Variants in MACROH2A1 observed in about 807,000 individuals in gnomAD.
MACROH2A1 encodes core histone macro-H2A.1.
MACROH2A1 carries 2 observed loss-of-function variants against 31.6 expected under a neutral mutation model. The observed-to-expected ratio is 0.06, with a 90% CI of 0.03 to 0.20. MACROH2A1 has a LOEUF of 0.20. Among genes scored for constraint, MACROH2A1 ranks in the 10% least tolerant of loss-of-function variants. The pLI, the probability that MACROH2A1 is intolerant of heterozygous loss-of-function variation, is 1.00. For synonymous variants in MACROH2A1, 169 were observed against 189.6 expected, an observed-to-expected ratio of 0.89 and a Z score of 0.89; for missense variants, 230 against 474.0, an observed-to-expected ratio of 0.49 and a Z score of 4.78.
chr5:135,383,322 G>T (rs367547966), intron 2 of MACROH2A1, among the ~76,000 whole-genome samples: 1 of 152,208 alleles, frequency 6.6e-6, no homozygotes, highest in Admixed American at 6.5e-5. Context: ...GTCAATGAAG[G>T]TCATCAATAG....
upstream of MACROH2A1, chr5:135,399,433 C>T (rs753968720): frequency 6.6e-6 from 1 of 152,374 alleles, no homozygotes; most frequent in Non-Finnish European, 1.5e-5. The surrounding 1 kb of genome is among the most constrained non-coding windows in gnomAD (Gnocchi z 4.5). Flanking sequence ...ACCCATGACC[C>T]CGGGGACGCC....
chr5:135,394,919 C>A (rs1581387005), intron 1 of MACROH2A1, among the ~76,000 whole-genome samples: 1 of 152,178 alleles, frequency 6.6e-6, no homozygotes, highest in African/African-American at 2.4e-5. Context: ...TTTCCAAAGC[C>A]CACAGGACTG....
At chr5:135,365,359 G>T (rs998423434) in intron 4 of MACROH2A1, among the ~76,000 whole-genome samples, 19 of 152,100 alleles carry the variant, frequency 1.2e-4, no homozygotes, top group African/African-American at 4.6e-4. Flanking sequence ...TCTGCCCCCA[G>T]TCACTTCAAT....
intron 4 of MACROH2A1, chr5:135,361,119 G>A (rs1251781944): frequency 1.2e-5 from 3 of 248,678 alleles, no homozygotes; most frequent in Non-Finnish European, 2.4e-5. Flanking sequence ...CGCATGTGGT[G>A]GCTGTGATGA....
chr5:135,345,759 GTAA>G (rs1191043586), intron 7 of MACROH2A1: 2 of 537,708 alleles, frequency 3.7e-6, no homozygotes, highest in African/African-American at 3.8e-5. Context: ...GCTATTTTAA[GTAA>G]TAAAAAAAAA....
At chr5:135,370,198 C>A in intron 2 of MACROH2A1, 56 bp from the exon 3 acceptor site, 1 of 1,076,430 alleles carries the variant, frequency 9.3e-7, no homozygotes. Flanking sequence ...TGTCCCCGCC[C>A]CGGTCCCCAC....
At chr5:135,389,172 C>T (rs1269417267) in intron 1 of MACROH2A1, 46 bp from the exon 2 acceptor site, 5 of 1,416,054 alleles carry the variant, frequency 3.5e-6, no homozygotes, top group Non-Finnish European at 1.9e-6. Flanking sequence ...GGGGACAGCA[C>T]ATGTCCCCTT....
chr5:135,372,153 T>C (rs949546558), intron 2 of MACROH2A1, among the ~76,000 whole-genome samples: 11 of 152,190 alleles, frequency 7.2e-5, no homozygotes, highest in Non-Finnish European at 1.2e-4. Context: ...CACAACTCTG[T>C]GCTTGGCAGG....
At chr5:135,340,165 G>A (rs2149715249) in intron 8 of MACROH2A1, among the ~76,000 whole-genome samples, 1 of 152,250 alleles carries the variant, frequency 6.6e-6, no homozygotes, top group South Asian at 2.1e-4. Context: ...TAACAGCTCT[G>A]AAGCGAAGGG....
intron 2 of MACROH2A1, among the ~76,000 whole-genome samples, chr5:135,386,154 G>C (rs549448391): frequency 6.6e-6 from 1 of 152,314 alleles, no homozygotes; most frequent in South Asian, 2.1e-4. Flanking sequence ...GCTAAGGGCT[G>C]GTCACCTTCT....
intron 5 of MACROH2A1, chr5:135,358,108 T>C (rs2149794145): frequency 1.0e-6 from 1 of 983,576 alleles, no homozygotes; most frequent in African/African-American, 1.8e-5. Context: ...TAAATGTGCT[T>C]TTTGTAAAAA....
chr5:135,359,156 TA>T (rs33955961), intron 5 of MACROH2A1: 54,669 of 985,174 alleles, frequency 0.055, 1,756 homozygotes, highest in African/African-American at 0.13. Context: ...TGGCAGGAGG[TA>T]ACAAGAACAT....
intron 6 of MACROH2A1, 37 bp from the exon 7 acceptor site, chr5:135,346,094 G>A (rs374137994): frequency 1.6e-6 from 2 of 1,252,816 alleles, no homozygotes; most frequent in African/African-American, 2.9e-5. Context: ...TTGCCATTCT[G>A]TGTCTCCGGC....
In MACROH2A1 at chr5:135,380,228, A is replaced by G. The variant is rs145757354; in HGVS notation, c.172+8694T>C. Among the ~76,000 whole-genome samples, 764 of 152,212 alleles carry G rather than the reference A, an allele frequency of 5.0e-3. 5 individuals carry two copies. Among genetic ancestry groups the G allele is most frequent in the African/African-American group, 0.017 (696 of 41,526 alleles). ...TGGCCTTGTGCTGGGAGCTGTATAC[A>G]AAGGTGAGGGAGGGGTGGGGAAGGC... On this transcript the variant is annotated intron_variant, in intron 2 of 8. Coordinates refer to ENST00000511689, the MANE Select transcript of MACROH2A1 (RefSeq NM_138610.3).
At chr5:135,384,455 T>C (rs901804554) in intron 2 of MACROH2A1, among the ~76,000 whole-genome samples, 2 of 150,686 alleles carry the variant, frequency 1.3e-5, no homozygotes, top group African/African-American at 2.5e-5. Context: ...CTGGGCCTCA[T>C]CCAGTCTGTA....
intron 6 of MACROH2A1, among the ~76,000 whole-genome samples, chr5:135,352,527 T>C (rs1761710480): frequency 6.6e-6 from 1 of 152,264 alleles, no homozygotes; most frequent in Non-Finnish European, 1.5e-5. Flanking sequence ...TGATGTGGCC[T>C]GTCTTCTCTT....
At position 135,355,161 on chromosome 5, in the gene MACROH2A1, G is replaced by A. The variant is rs554999623; in HGVS notation, c.589-2116C>T. 73 of 456,034 alleles carry A rather than the reference G, an allele frequency of 1.6e-4. No individual in the cohort carries two copies. In the East Asian group the frequency reaches 1.9e-3, roughly 12 times the overall value. 28.2% of individuals were successfully genotyped at this position (456,034 alleles called of 1,614,324 possible). A position where few individuals can be genotyped will look rare whatever the true frequency, so the allele number is the denominator to read the frequency against. The stretch of plus-strand genomic sequence containing the variant: ...CAGTGGCCTGTATCTGACTCTCTTC[G>A]CGGGAGAACCACCTGCTCTGTCTAG... On this transcript the variant is annotated intron_variant, in intron 5 of 8. Coordinates refer to ENST00000511689, the MANE Select transcript of MACROH2A1 (RefSeq NM_138610.3).
chr5:135,360,259 C>T, intron 5 of MACROH2A1: 2 of 560,128 alleles, frequency 3.6e-6, no homozygotes, highest in Non-Finnish European at 6.4e-6. Flanking sequence ...CAGGAGCTGC[C>T]TGCCCTCTTC....
At chr5:135,388,544 T>A (rs574229622) in intron 2 of MACROH2A1, among the ~76,000 whole-genome samples, 1 of 152,120 alleles carries the variant, frequency 6.6e-6, no homozygotes, top group South Asian at 2.1e-4. Flanking sequence ...TAAATAAGAC[T>A]AACAAACTGG....
Sources: allele counts gnomAD v4.1 joint callset (sites outside exome capture counted in the v4.1 genomes callset), GRCh38; gene constraint gnomAD v4.1.1; non-coding constraint Gnocchi (gnomAD v3.1); transcripts MANE v1.5; gene names NCBI Gene and HGNC (gene_info 2026-07-23, HGNC 2026-07-21).